ADRB3: variants seen among roughly 807,000 people sequenced by gnomAD.
The protein encoded by ADRB3 is beta-3 adrenergic receptor.
ADRB3 carries 33 observed loss-of-function variants against 23.8 expected under a neutral mutation model. That is an observed-to-expected ratio of 1.38 (90% confidence interval 1.05 to 1.85). The LOEUF (loss-of-function observed/expected upper bound fraction) is 1.85. Among genes scored for constraint, ADRB3 ranks in the 40% most tolerant of loss-of-function variants. The probability of loss-of-function intolerance (pLI) is 0.00; values close to 1 mark genes in which losing one functional copy is unlikely to be tolerated. For missense variants in ADRB3, 600 were observed against 579.6 expected, an observed-to-expected ratio of 1.04 and a Z score of -0.36; for synonymous variants, 289 against 273.0, an observed-to-expected ratio of 1.06 and a Z score of -0.58.
chr8:37,965,875 C>A lies in ADRB3; in HGVS notation c.595G>T (p.Ala199Ser). 6.4e-7 allele frequency: 1 copy of A among 1,553,358 alleles called. No individual in the cohort carries two copies. The highest frequency in any genetic ancestry group is 8.7e-7 in the Non-Finnish European group (1 of 1,147,724). ...CHSNPRCCAF[A>S]SNMPYVLLSS... ...AGCAGCACGTAGGGCATGTTGGAGG[C>A]GAAGGCACAGCAGCGCGGGTTGGAG... The change falls in exon 1 of 2, where the codon GCC becomes TCC. Residue 199 changes from alanine (A) to serine (S), a missense_variant. By Grantham distance (99) the Ala-to-Ser change is moderately conservative. Coordinates refer to ENST00000345060, the MANE Select transcript of ADRB3 (RefSeq NM_000025.3).
Position 37,964,129 on chromosome 8 carries a change from G to A in ADRB3, c.*89C>T, listed in dbSNP as rs201509996. On this transcript the variant is annotated 3_prime_UTR_variant, in exon 2 of 2. Coordinates refer to ENST00000345060, the MANE Select transcript of ADRB3 (RefSeq NM_000025.3). Reference sequence around the variant, plus strand: ...TTCTGGAGGGTAGAGTGTCACAGCCGGGGAATCCCATGGGACTCATTCTGA... The same window carrying A: ...TTCTGGAGGGTAGAGTGTCACAGCCAGGGAATCCCATGGGACTCATTCTGA... 3.5e-4 allele frequency: 417 copies of A among 1,184,738 alleles called. No homozygotes were observed. Among genetic ancestry groups the A allele is most frequent in the Admixed American group, 1.2e-3 (65 of 56,112 alleles). The allele number at this position is 1,184,738 out of a possible 1,614,324, so 73.4% of individuals were successfully genotyped here. A position where few individuals can be genotyped will look rare whatever the true frequency, so the allele number is the denominator to read the frequency against.
Position 37,964,119 on chromosome 8 carries a change from T to C in ADRB3, c.*99A>G. 9.4e-7 allele frequency: 1 copy of C among 1,061,962 alleles called. No homozygotes were observed. Among genetic ancestry groups the C allele is most frequent in the East Asian group, 2.4e-5 (1 of 41,638 alleles). The allele number at this position is 1,061,962 out of a possible 1,614,324, so 65.8% of individuals were successfully genotyped here. On this transcript the variant is annotated 3_prime_UTR_variant, in exon 2 of 2. Coordinates refer to ENST00000345060, the MANE Select transcript of ADRB3 (RefSeq NM_000025.3). ...AGTCGTCAGGTTCTGGAGGGTAGAG[T>C]GTCACAGCCGGGGAATCCCATGGGA...
In ADRB3 at chr8:37,964,253, T is replaced by C. The variant is rs13306152; in HGVS notation, c.1206-14A>G. ...CCCCAAGAAGCCCTGGGAAAAAAAGTGGAGATAATAGACCCTGGGGTGAAA... is the reference window on the plus strand; with the variant it reads ...CCCCAAGAAGCCCTGGGAAAAAAAGCGGAGATAATAGACCCTGGGGTGAAA... On this transcript the variant is annotated splice_polypyrimidine_tract_variant and intron_variant, in intron 1 of 1. Coordinates refer to ENST00000345060, the MANE Select transcript of ADRB3 (RefSeq NM_000025.3). 4.7e-4 allele frequency: 757 copies of C among 1,611,352 alleles called. 8 individuals are homozygous for C. The Admixed American group carries it at 0.011, about 23-fold the overall frequency.
rs1255520683 is a variant in ADRB3, at chr8:37,965,759, C to T, written c.711G>A (p.Leu237=). 1.9e-5 allele frequency: 29 copies of T among 1,550,986 alleles called. No individual in the cohort carries two copies. In the East Asian group the frequency reaches 3.4e-4, roughly 18 times the overall value. Residue 237 remains leucine (L), a synonymous_variant, in exon 1 of 2, where the codon TTG becomes TTA. Coordinates refer to ENST00000345060, the MANE Select transcript of ADRB3 (RefSeq NM_000025.3). ...GAAAGCGGCCCAGCTCCCCGCGCAG[C>T]AAGCGCAGCTGGCGCGTAGCCACCA... ...VFVVATRQLR[L]LRGELGRFPP...
At position 37,965,361 on chromosome 8, in the gene ADRB3, T is replaced by C; in HGVS notation, c.1109A>G (p.Glu370Gly). Residue 370 changes from glutamate to glycine, a missense_variant, in exon 1 of 2, where the codon GAG becomes GGG. Glu to Gly is a moderately conservative substitution (Grantham distance 98). Coordinates refer to ENST00000345060, the MANE Select transcript of ADRB3 (RefSeq NM_000025.3). ...LCRCGRRLPP[E>G]PCAAARPALF... The stretch of plus-strand genomic sequence containing the variant: ...GGCCGGGCGGGCGGCGGCGCAGGGC[T>C]CCGGAGGCAGGCGACGGCCGCAGCG... The C allele has an allele frequency of 1.9e-6, 3 of 1,547,188 alleles. No individual in the cohort carries two copies. The highest frequency in any genetic ancestry group is 2.6e-6 in the Non-Finnish European group (3 of 1,146,086).
In ADRB3 at chr8:37,965,605, G is replaced by C. The variant is rs1283457662; in HGVS notation, c.865C>G (p.Arg289Gly). The change falls in exon 1 of 2, where the codon CGG (arginine) becomes GGG (glycine). Residue 289 changes from arginine (R) to glycine (G), a missense_variant. Arg to Gly is a moderately radical substitution (Grantham distance 125). Coordinates refer to ENST00000345060, the MANE Select transcript of ADRB3 (RefSeq NM_000025.3). ...ATGAGACCCAAGGTGCACAGGGCCC[G>C]GTGTTCCCGGAGAGGCAGGAGGCGC... ...PARLLPLREH[R>G]ALCTLGLIMG... 6.5e-7 allele frequency: 1 copy of C among 1,545,836 alleles called. No homozygotes were observed.
At position 37,965,444 on chromosome 8, in the gene ADRB3, G is replaced by C. The variant is rs1808280366; in HGVS notation, c.1026C>G (p.Asn342Lys). 1 of 1,551,134 alleles carries C rather than the reference G, an allele frequency of 6.4e-7. No homozygotes were observed. Residue 342 changes from asparagine (N) to lysine (K), a missense_variant, in exon 1 of 2, where the codon AAC (asparagine) becomes AAG (lysine). Physicochemically the swap from Asn to Lys is moderately conservative, Grantham distance 94. Coordinates refer to ENST00000345060, the MANE Select transcript of ADRB3 (RefSeq NM_000025.3). The part of the protein sequence containing the change: ...NWLGYANSAF[N>K]PLIYCRSPDF... ...CCGGGCTGCGGCAGTAGATGAGCGG[G>C]TTGAAGGCAGAATTGGCATAACCTA... is the stretch of plus-strand genomic sequence containing the variant.
chr8:37,965,222 T>C, intron 1 of ADRB3, 43 bp downstream of exon 1: 1 of 1,461,794 alleles, frequency 6.8e-7, no homozygotes, highest in Non-Finnish European at 9.0e-7. Flanking sequence ...CATCGCATGC[T>C]TCCCGACCCT....
chr8:37,965,584 G>C lies in ADRB3; in HGVS notation c.886C>G (p.Leu296Val). The part of the protein sequence containing the change: ...REHRALCTLG[L>V]IMGTFTLCWL... ...CAGAGAGTGAAGGTGCCCATGATGA[G>C]ACCCAAGGTGCACAGGGCCCGGTGT... Residue 296 changes from leucine (L) to valine (V), a missense_variant, in exon 1 of 2, where the codon CTC (leucine) becomes GTC (valine). Transcript: ENST00000345060. 6.5e-7 allele frequency: 1 copy of C among 1,549,550 alleles called. No homozygotes were observed. Among genetic ancestry groups the C allele is most frequent in the Non-Finnish European group, 8.7e-7 (1 of 1,146,650 alleles).
Position 37,966,323 on chromosome 8 carries a change from C to T in ADRB3, c.147G>A (p.Leu49=). ...CCAGCAGGTTGCCTCCCACGGTGGCCAGCACCGCCAGCGCCAGCAGGGCCC... is the reference window on the plus strand; with the variant it reads ...CCAGCAGGTTGCCTCCCACGGTGGCTAGCACCGCCAGCGCCAGCAGGGCCC... The part of the protein sequence containing the change: ...LAGALLALAV[L]ATVGGNLLVI... The change falls in exon 1 of 2, where the codon CTG becomes CTA. Residue 49 remains leucine, a synonymous_variant. Coordinates refer to ENST00000345060, the MANE Select transcript of ADRB3 (RefSeq NM_000025.3). The T allele has an allele frequency of 6.2e-7, 1 of 1,613,194 alleles. No homozygotes were observed.
rs1366556483 is a variant in ADRB3 at position 37,965,792 on chromosome 8, C to A, written c.678G>T (p.Arg226=). The A allele has an allele frequency of 1.3e-6, 2 of 1,551,868 alleles. No homozygotes were observed. Among genetic ancestry groups the A allele is most frequent in the Non-Finnish European group, 1.7e-6 (2 of 1,147,030 alleles). The change falls in exon 1 of 2, where the codon CGG becomes CGT. Residue 226 remains arginine (R), a synonymous_variant. Coordinates refer to ENST00000345060, the MANE Select transcript of ADRB3 (RefSeq NM_000025.3). The stretch of plus-strand genomic sequence containing the variant: ...GCTGGCGCGTAGCCACCACGAAAAC[C>A]CGCGCGTAGACGAAGAGCATCACGA... The part of the protein sequence containing the change: ...PLLVMLFVYA[R]VFVVATRQLR...
At position 37,963,156 on chromosome 8, in the gene ADRB3, G is replaced by GACAC. The variant is rs544651920; in HGVS notation, c.*1058_*1061dup. On this transcript the variant is annotated 3_prime_UTR_variant, in exon 2 of 2. Coordinates refer to ENST00000345060, the MANE Select transcript of ADRB3 (RefSeq NM_000025.3). ...GCAATGCTTTGTGCCTGTGCCTCCA[G>GACAC]ACACACACACACACACACACACGCA... The GACAC allele has an allele frequency of 6.4e-3, 942 of 147,924 alleles. 4 individuals carry two copies. The highest frequency in any genetic ancestry group is 9.3e-3 in the Non-Finnish European group (621 of 66,710). The allele number at this position is 147,924 out of a possible 1,614,324, so 9.2% of individuals were successfully genotyped here.
chr8:37,964,960 C>A (rs911570496), intron 1 of ADRB3: 34 of 334,950 alleles, frequency 1.0e-4, no homozygotes, highest in Non-Finnish European at 1.8e-4. Context: ...AAAAAAAAAT[C>A]CCTAAAGCCG....
chr8:37,965,758 G>T lies in ADRB3; in HGVS notation c.712C>A (p.Leu238Met). The part of the protein sequence containing the change: ...FVVATRQLRL[L>M]RGELGRFPPE... ...GGAAAGCGGCCCAGCTCCCCGCGCA[G>T]CAAGCGCAGCTGGCGCGTAGCCACC... The change falls in exon 1 of 2, where the codon CTG (leucine) becomes ATG (methionine). Residue 238 changes from leucine to methionine, a missense_variant. Coordinates refer to ENST00000345060, the MANE Select transcript of ADRB3 (RefSeq NM_000025.3). 3.2e-6 allele frequency: 5 copies of T among 1,550,994 alleles called. No homozygotes were observed. Among genetic ancestry groups the T allele is most frequent in the Non-Finnish European group, 4.4e-6 (5 of 1,146,786 alleles).
rs200446990 is a variant in ADRB3 at position 37,965,638 on chromosome 8, G to T, written c.832C>A (p.Arg278=). 2,725 of 1,530,952 alleles carry T rather than the reference G, an allele frequency of 1.8e-3. 8 individuals carry two copies. Among genetic ancestry groups the T allele is most frequent in the Non-Finnish European group, 1.8e-3 (2,089 of 1,139,550 alleles). The allele number at this position is 1,530,952 out of a possible 1,614,324, so 94.8% of individuals were successfully genotyped here. A position where few individuals can be genotyped will look rare whatever the true frequency, so the allele number is the denominator to read the frequency against. The change falls in exon 1 of 2, where the codon CGG becomes AGG. Residue 278 remains arginine, a synonymous_variant. Transcript: ENST00000345060. The part of the protein sequence containing the change: ...PPEGVPACGR[R]PARLLPLREH... ...CGGAGAGGCAGGAGGCGCGCGGGCC[G>T]CCGGCCGCAGGCGGGCACCCCTTCG... is the stretch of plus-strand genomic sequence containing the variant.
At position 37,965,325 on chromosome 8, in the gene ADRB3, G is replaced by C. The variant is rs1265677344; in HGVS notation, c.1145C>G (p.Ser382Trp). The stretch of plus-strand genomic sequence containing the variant: ...GCTGCTCCGGGCCGCAGGAACGCCC[G>C]AGGGGAAGAGGGCCGGGCGGGCGGC... ...CAAARPALFP[S>W]GVPAARSSPA... Residue 382 changes from serine (S) to tryptophan (W), a missense_variant, in exon 1 of 2, where the codon TCG (serine) becomes TGG (tryptophan). By Grantham distance (177) the Ser-to-Trp change is radical (BLOSUM62 -3). Coordinates refer to ENST00000345060, the MANE Select transcript of ADRB3 (RefSeq NM_000025.3). The C allele has an allele frequency of 6.5e-6, 10 of 1,540,384 alleles. No homozygotes were observed. Among genetic ancestry groups the C allele is most frequent in the Non-Finnish European group, 8.7e-6 (10 of 1,146,218 alleles).
Position 37,966,412 on chromosome 8 carries a change from G to C in ADRB3, c.58C>G (p.Leu20Val), listed in dbSNP as rs200049119. 3.1e-6 allele frequency: 5 copies of C among 1,608,546 alleles called. No homozygotes were observed. The highest frequency in any genetic ancestry group is 4.2e-6 in the Non-Finnish European group (5 of 1,178,540). The part of the protein sequence containing the change: ...SLAPWPDLPT[L>V]APNTANTSGL... ...CTGGTGTTGGCGGTATTGGGCGCCA[G>C]GGTGGGGAGGTCCGGCCATGGGGCA... Residue 20 changes from leucine to valine, a missense_variant, in exon 1 of 2, where the codon CTG becomes GTG. Leu to Val is a conservative substitution (Grantham distance 32). Transcript: ENST00000345060.
rs1232918813 is a variant in ADRB3 at position 37,965,976 on chromosome 8, G to T, written c.494C>A (p.Ser165Ter). ...GATGGGCGCAAACGACACCGCGGCC[G>T]ACACGACCCACACCAGGACCACAGC... Reference protein sequence around the residue: ...RTAVVLVWVVSAAVSFAPIMS... With the variant: ...RTAVVLVWVV The change falls in exon 1 of 2, where the codon TCG becomes TAG. Residue 165 changes from serine (S) to a stop codon, truncating the protein, a stop_gained. Coordinates refer to ENST00000345060, the MANE Select transcript of ADRB3 (RefSeq NM_000025.3). LOFTEE classifies it high-confidence loss of function. The T allele has an allele frequency of 6.4e-7, 1 of 1,567,832 alleles. No homozygotes were observed.
Position 37,965,714 on chromosome 8 carries a change from C to G in ADRB3, c.756G>C (p.Pro252=), listed in dbSNP as rs200111123. The part of the protein sequence containing the change: ...LGRFPPEESP[P]APSRSLAPAP... ...CCGGGGCCAGAGAGCGCGACGGCGC[C>G]GGCGGAGACTCCTCGGGCGGAAAGC... Residue 252 remains proline (P), a synonymous_variant, in exon 1 of 2, where the codon CCG becomes CCC. Coordinates refer to ENST00000345060, the MANE Select transcript of ADRB3 (RefSeq NM_000025.3). 13 of 1,546,876 alleles carry G rather than the reference C, an allele frequency of 8.4e-6. No homozygotes were observed. The highest frequency in any genetic ancestry group is 2.0e-5 in the Admixed American group (1 of 50,796).
Sources: allele counts gnomAD v4.1 joint callset, GRCh38; gene constraint gnomAD v4.1.1; transcripts MANE v1.5; gene names NCBI Gene and HGNC (gene_info 2026-07-23, HGNC 2026-07-21).